Variants in CDH11 observed in about 807,000 individuals in gnomAD.
CDH11 encodes the protein cadherin 11, also known as cadherin-11.
CDH11 carries 11 observed loss-of-function variants against 67.8 expected under a neutral mutation model. That is an observed-to-expected ratio of 0.16 (90% CI 0.10 to 0.27). The LOEUF is 0.27. Ranked by LOEUF, CDH11 falls within the 10% of genes least tolerant of loss-of-function variation. The pLI, the probability that CDH11 is intolerant of heterozygous loss-of-function variation, is 1.00. For missense variants in CDH11, 847 were observed against 1,031.2 expected, an observed-to-expected ratio of 0.82 and a Z score of 2.45; for synonymous variants, 419 against 400.0, an observed-to-expected ratio of 1.05 and a Z score of -0.57.
At chr16:65,040,295 G>T (rs1288438023) in intron 2 of CDH11, among the ~76,000 whole-genome samples, 1 of 152,204 alleles carries the variant, frequency 6.6e-6, no homozygotes, top group South Asian at 2.1e-4. Context: ...GCAAAGACTT[G>T]GAACCAACCC....
chr16:65,114,446 T>C (rs2075209228), intron 1 of CDH11, among the ~76,000 whole-genome samples: 1 of 151,858 alleles, frequency 6.6e-6, no homozygotes, highest in Non-Finnish European at 1.5e-5. Context: ...ACTCATGAGC[T>C]TAGATAAGTG....
chr16:65,084,874 C>T (rs956570033), intron 1 of CDH11, among the ~76,000 whole-genome samples: 16 of 152,138 alleles, frequency 1.1e-4, no homozygotes, highest in African/African-American at 3.6e-4. Context: ...TGCATAATTT[C>T]TTTTACTGTC....
chr16:65,095,354 G>C (rs1040913523), intron 1 of CDH11, among the ~76,000 whole-genome samples: 1 of 152,104 alleles, frequency 6.6e-6, no homozygotes, highest in East Asian at 1.9e-4. Context: ...AACACTTGCG[G>C]CTTTTGATAA....
intron 1 of CDH11, among the ~76,000 whole-genome samples, chr16:65,111,994 C>T (rs887411194): frequency 1.4e-5 from 2 of 146,348 alleles, no homozygotes; most frequent in Non-Finnish European, 3.0e-5. Context: ...CACTCGAACC[C>T]GGGAAGTGGA....
At position 64,943,760 on chromosome 16, in the gene CDH11, T is replaced by G. The variant is rs2071146832; in HGVS notation, c.*3843A>C. The G allele has an allele frequency of 5.0e-6, 1 of 198,042 alleles. No homozygotes were observed. Among genetic ancestry groups the G allele is most frequent in the Non-Finnish European group, 1.0e-5 (1 of 95,716 alleles). The allele number at this position is 198,042 out of a possible 1,614,324, so 12.3% of individuals were successfully genotyped here. On this transcript the variant is annotated 3_prime_UTR_variant, in exon 13 of 13. Transcript: ENST00000268603. ...ATCTGCCTCATCAGTATATTTGCTT[T>G]CATTCAATAGATATTTATTGTGTAC...
intron 1 of CDH11, among the ~76,000 whole-genome samples, chr16:65,065,990 G>A (rs2074306551): frequency 6.6e-6 from 1 of 152,190 alleles, no homozygotes. Flanking sequence ...TGCCTTGCTT[G>A]TAGGGATTCA....
chr16:64,972,831 A>C, intron 9 of CDH11, 73 bp downstream of exon 9: 1 of 1,495,660 alleles, frequency 6.7e-7, no homozygotes, highest in East Asian at 2.3e-5. Flanking sequence ...CAGCTATTTT[A>C]CTTTCCAGAA....
chr16:65,013,565 C>T (rs75558961), intron 2 of CDH11, among the ~76,000 whole-genome samples: 10,581 of 152,114 alleles, frequency 0.07, 842 homozygotes, highest in East Asian at 0.25. Flanking sequence ...GTGGCTCACA[C>T]CTGTAATCCA....
intron 4 of CDH11, among the ~76,000 whole-genome samples, chr16:64,996,301 C>T (rs1370330443): frequency 1.3e-5 from 2 of 152,000 alleles, no homozygotes; most frequent in Non-Finnish European, 2.9e-5. Context: ...ATCAGCCTGG[C>T]CAACATGGCA....
intron 1 of CDH11, among the ~76,000 whole-genome samples, chr16:65,055,856 A>G (rs759740103): frequency 3.3e-5 from 5 of 152,168 alleles, no homozygotes; most frequent in Non-Finnish European, 5.9e-5. Flanking sequence ...CCATAATGTG[A>G]TAGTATTCAG....
chr16:65,051,512 TA>T (rs890277407), intron 2 of CDH11, among the ~76,000 whole-genome samples: 5 of 152,166 alleles, frequency 3.3e-5, no homozygotes. Flanking sequence ...ATTCCAAGGA[TA>T]AAAGTTATAG....
chr16:64,972,905 G>A lies in CDH11; in HGVS notation c.1389C>T (p.Ile463=), dbSNP rs746678994. 2 of 1,613,758 alleles carry A rather than the reference G, an allele frequency of 1.2e-6. No individual in the cohort carries two copies. The highest frequency in any genetic ancestry group is 8.5e-7 in the Non-Finnish European group (1 of 1,179,798). Residue 463 remains isoleucine (I), a splice_region_variant and synonymous_variant, in exon 9 of 13, where the codon ATC becomes ATT. Transcript: ENST00000268603. ...WLNITVFAAE[I]HNRHQEAKVP... Reference sequence around the variant, plus strand: ...CAAAACCATGAGGAGAATACTTACGGATTTCTGCTGCAAAGACAGTGATGT... The same window carrying A: ...CAAAACCATGAGGAGAATACTTACGAATTTCTGCTGCAAAGACAGTGATGT...
chr16:65,015,135 G>A (rs988175432), intron 2 of CDH11, among the ~76,000 whole-genome samples: 2 of 151,526 alleles, frequency 1.3e-5, no homozygotes, highest in Admixed American at 6.6e-5. Context: ...GCCTCCCAGA[G>A]TGCTTGGATT....
rs1270658488 is a variant in CDH11, at chr16:65,053,833, A to G, written c.-202T>C. ...TTCACCCATTGGATACTTGCTGCCAATTTCTGTAACACACTCCACCCATCT... is the reference window on the plus strand; with the variant it reads ...TTCACCCATTGGATACTTGCTGCCAGTTTCTGTAACACACTCCACCCATCT... On this transcript the variant is annotated 5_prime_UTR_variant, in exon 2 of 13. Transcript: ENST00000268603. 2.2e-6 allele frequency: 1 copy of G among 455,876 alleles called. No individual in the cohort carries two copies. The highest frequency in any genetic ancestry group is 2.0e-5 in the African/African-American group (1 of 50,038). The allele number at this position is 455,876 out of a possible 1,614,324, so 28.2% of individuals were successfully genotyped here. A position where few individuals can be genotyped will look rare whatever the true frequency, so the allele number is the denominator to read the frequency against.
chr16:64,983,180 CTATT>C (rs1401826406), intron 7 of CDH11: 2 of 150,130 alleles, frequency 1.3e-5, no homozygotes, highest in African/African-American at 2.5e-5. Context: ...TAAAGATGGT[CTATT>C]TAAAGAAAAA....
chr16:65,114,307 C>T (rs765929287), intron 1 of CDH11, among the ~76,000 whole-genome samples: 1 of 152,144 alleles, frequency 6.6e-6, no homozygotes, highest in African/African-American at 2.4e-5. Flanking sequence ...TGAGCAGTCA[C>T]ACCAGCTCTT....
chr16:64,985,739 G>T (rs2142472650), intron 7 of CDH11: 1 of 148,482 alleles, frequency 6.7e-6, no homozygotes, highest in East Asian at 2.0e-4. Flanking sequence ...TAGAGCACGT[G>T]CTTAATGACC....
intron 2 of CDH11, among the ~76,000 whole-genome samples, chr16:65,036,343 GC>G (rs1200227981): frequency 6.6e-6 from 1 of 151,946 alleles, no homozygotes; most frequent in African/African-American, 2.4e-5. Flanking sequence ...TTATTCAAAG[GC>G]TTGGCTTTAT....
At chr16:65,002,017 T>C (rs2072932274) in intron 3 of CDH11, among the ~76,000 whole-genome samples, 1 of 152,168 alleles carries the variant, frequency 6.6e-6, no homozygotes, top group Non-Finnish European at 1.5e-5. Context: ...CAACCTTGAA[T>C]GTCATCAAAT....
Sources: gnomAD v4.1 joint callset for allele counts (sites outside exome capture counted in the v4.1 genomes callset) on GRCh38, gnomAD v4.1.1 for gene constraint, MANE v1.5 for transcripts, NCBI Gene and HGNC (gene_info 2026-07-23, HGNC 2026-07-21) for gene names.